The following SUN1 variants were observed in gnomAD, a reference collection of about 807,000 sequenced individuals.
SUN1 encodes Sad1 and UNC84 domain containing 1.
Under a neutral mutation model 103.2 loss-of-function variants are expected in SUN1, and 61 were observed. The observed-to-expected ratio is 0.59, with a 90% CI of 0.48 to 0.73. The LOEUF is 0.73. SUN1 is among the 30% of genes least tolerant of loss of function. SUN1 has a pLI of 0.00. For missense variants in SUN1, 1,052 were observed against 1,034.6 expected, an observed-to-expected ratio of 1.02 and a Z score of -0.23; for synonymous variants, 490 against 425.7, an observed-to-expected ratio of 1.15 and a Z score of -1.86.
At position 836,436 on chromosome 7, in the gene SUN1, A is replaced by G. The variant is rs567509778; in HGVS notation, c.78-2362A>G. On this transcript the variant is annotated intron_variant, in intron 1 of 18. Coordinates refer to ENST00000401592, the MANE Select transcript of SUN1 (RefSeq NM_001130965.3). ...CCCAAGATCTTCAGGTTGAGTTGGC[A>G]AGGGGAGACTCAGGGCAGCCGATGG... Among the ~76,000 whole-genome samples the G allele has an allele frequency of 2.0e-5, 3 of 152,322 alleles. No individual in the cohort carries two copies. In the South Asian group the frequency reaches 6.2e-4, roughly 32 times the overall value.
chr7:832,212 G>A (rs1444180799), upstream of SUN1: 17 of 729,394 alleles, frequency 2.3e-5, no homozygotes, highest in Admixed American at 4.2e-5. Context: ...GTTTCTCTCC[G>A]TGTTTCTTGG....
chr7:824,899 C>G (rs1203613662), intron 1 of SUN1, among the ~76,000 whole-genome samples: 1 of 152,102 alleles, frequency 6.6e-6, no homozygotes, highest in African/African-American at 2.4e-5. Context: ...TCCAGGGGTG[C>G]TCGGAGGAGC....
chr7:865,896 A>G (rs960198831), intron 15 of SUN1, 56 bp from the exon 16 acceptor site: 54 of 1,436,882 alleles, frequency 3.8e-5, no homozygotes, highest in African/African-American at 2.8e-4. Flanking sequence ...GTGCAGTACT[A>G]TTGCTTCCAA....
intron 16 of SUN1, 62 bp from the exon 17 acceptor site, chr7:869,287 C>G (rs1445648488): frequency 1.3e-6 from 2 of 1,547,934 alleles, no homozygotes; most frequent in South Asian, 2.4e-5. Context: ...TTTCCTCTTC[C>G]TGCTGCTAAG....
intron 16 of SUN1, among the ~76,000 whole-genome samples, chr7:866,300 C>T (rs555796989): frequency 6.6e-6 from 1 of 152,296 alleles, no homozygotes; most frequent in South Asian, 2.1e-4. Flanking sequence ...GACCGTGTGG[C>T]ACATGCTGGT....
At position 866,066 on chromosome 7, in the gene SUN1, A is replaced by G. The variant is rs1836238613; in HGVS notation, c.1979A>G (p.Gln660Arg). ...YFSQSPRVVIQPDIYPGNCWA... is the reference protein window; with the variant it reads ...YFSQSPRVVIRPDIYPGNCWA... ...TCGCAGTCCCCGCGCGTGGTCATCC[A>G]GGTGAGTGGCCGCCGGTGGCCGGAG... Residue 660 changes from glutamine (Q) to arginine (R), a missense_variant and splice_region_variant, in exon 16 of 19, where the codon CAG (glutamine) becomes CGG (arginine). Gln to Arg is a conservative substitution (Grantham distance 43, BLOSUM62 1). Transcript: ENST00000401592. 1 of 1,613,846 alleles carries G rather than the reference A, an allele frequency of 6.2e-7. No homozygotes were observed. The highest frequency in any genetic ancestry group is 1.7e-5 in the Admixed American group (1 of 60,000).
At chr7:823,784 CG>C (rs1276343695) in intron 1 of SUN1, among the ~76,000 whole-genome samples, 2 of 151,686 alleles carry the variant, frequency 1.3e-5, no homozygotes, top group African/African-American at 4.8e-5. Context: ...CATGTCAGGG[CG>C]GGAATGGAGA....
chr7:852,920 C>T lies in SUN1; in HGVS notation c.1021C>T (p.Pro341Ser), dbSNP rs1289694372. The T allele has an allele frequency of 6.2e-7, 1 of 1,613,852 alleles. No homozygotes were observed. Among genetic ancestry groups the T allele is most frequent in the African/African-American group, 1.3e-5 (1 of 74,996 alleles). Residue 341 changes from proline (P) to serine (S), a missense_variant, in exon 9 of 19, where the codon CCC (proline) becomes TCC (serine). Physicochemically the swap from Pro to Ser is moderately conservative, Grantham distance 74 (BLOSUM62 -1). Coordinates refer to ENST00000401592, the MANE Select transcript of SUN1 (RefSeq NM_001130965.3). The part of the protein sequence containing the change: ...RVDDPQDVFK[P>S]TTSRLKQPLQ... ...GGATGACCCCCAGGACGTGTTTAAA[C>T]CCACGACTTCTCGCCTGAAGCAGCC...
At chr7:859,647 G>A (rs774867506) in intron 13 of SUN1, among the ~76,000 whole-genome samples, 1 of 152,262 alleles carries the variant, frequency 6.6e-6, no homozygotes, top group Non-Finnish European at 1.5e-5. Context: ...CTGTTGTTAC[G>A]AAGCAAGAAG....
upstream of SUN1, among the ~76,000 whole-genome samples, chr7:827,521 G>T (rs1472924470): frequency 6.6e-6 from 1 of 150,918 alleles, no homozygotes; most frequent in Non-Finnish European, 1.5e-5. Context: ...CCAGGCTGGG[G>T]TGCAGTGGCG....
At position 872,642 on chromosome 7, in the gene SUN1, A is replaced by T. The variant is rs1842523946; in HGVS notation, c.2241+80A>T. ...ACAGCAGGGCCCAGCTGGCATCAAC[A>T]GACTGGAAAGCAGCGTGAGGACCAT... On this transcript the variant is annotated intron_variant, in intron 18 of 18. Transcript: ENST00000401592. 3.5e-6 allele frequency: 4 copies of T among 1,148,742 alleles called. No individual in the cohort carries two copies. The East Asian group carries it at 1.0e-4, about 29-fold the overall frequency. 71.2% of individuals were successfully genotyped at this position (1,148,742 alleles called of 1,614,324 possible). A position where few individuals can be genotyped will look rare whatever the true frequency, so the allele number is the denominator to read the frequency against.
chr7:860,323 A>G lies in SUN1; in HGVS notation c.1720A>G (p.Thr574Ala), dbSNP rs1412581570. The change falls in exon 14 of 19, where the codon ACC (threonine) becomes GCC (alanine). Residue 574 changes from threonine to alanine, a missense_variant. Around this residue, in one of 2 missense-constraint regions of SUN1, gnomAD observed 846 missense variants for 774.5 expected, o/e 1.09. Transcript: ENST00000401592. Reference sequence around the variant, plus strand: ...CGTTTCCGTGACCAAGCAGCTCCCAACCTCAGAAGCCGTGGTGTCTGCTGT... The same window carrying G: ...CGTTTCCGTGACCAAGCAGCTCCCAGCCTCAGAAGCCGTGGTGTCTGCTGT... ...HHVSVTKQLP[T>A]SEAVVSAVSE... 3 of 1,614,202 alleles carry G rather than the reference A, an allele frequency of 1.9e-6. No individual in the cohort carries two copies. The highest frequency in any genetic ancestry group is 2.5e-6 in the Non-Finnish European group (3 of 1,180,048).
chr7:832,193 G>C, upstream of SUN1: 1 of 789,506 alleles, frequency 1.3e-6, no homozygotes, highest in African/African-American at 1.8e-5. Context: ...ATCTTGAAGA[G>C]AGCTCTGAGT....
intron 5 of SUN1, among the ~76,000 whole-genome samples, chr7:846,824 G>C (rs2128328861): frequency 6.6e-6 from 1 of 152,084 alleles, no homozygotes; most frequent in South Asian, 2.1e-4. Flanking sequence ...ACCAGCCTGG[G>C]CAACACAGTG....
upstream of SUN1, chr7:832,427 C>G: frequency 8.0e-7 from 1 of 1,250,066 alleles, no homozygotes; most frequent in Non-Finnish European, 1.1e-6. Context: ...GTGTAGGCAG[C>G]TCAGGTTGAC....
Position 843,522 on chromosome 7 carries a change from T to C in SUN1, c.658+2T>C. ...ATTCTAGGGACAGGAATCAAAAATGTAAGTCTCAGTCCTTTAAAACTCAGA... is the reference window on the plus strand; with the variant it reads ...ATTCTAGGGACAGGAATCAAAAATGCAAGTCTCAGTCCTTTAAAACTCAGA... On this transcript the variant is annotated splice_donor_variant, in intron 5 of 18. Transcript: ENST00000401592. LOFTEE classifies it high-confidence loss of function. The C allele has an allele frequency of 6.2e-7, 1 of 1,613,998 alleles. No homozygotes were observed. Among genetic ancestry groups the C allele is most frequent in the Non-Finnish European group, 8.5e-7 (1 of 1,179,928 alleles).
Position 832,516 on chromosome 7 carries a change from G to GTGGTGAACA in SUN1, c.-5_4dup. 6.2e-7 allele frequency: 1 copy of GTGGTGAACA among 1,612,668 alleles called. No homozygotes were observed. Among genetic ancestry groups the GTGGTGAACA allele is most frequent in the South Asian group, 1.1e-5 (1 of 90,724 alleles). ...CCCGCCCTCTGCAGTATGGTTTGAA[G>GTGGTGAACA]TGGTGAACATGGATTTTTCTCGGCT... is the stretch of plus-strand genomic sequence containing the variant. On this transcript the variant is annotated 5_prime_UTR_variant, in exon 1 of 19. In the 5' UTR this introduces an upstream ATG that the reference lacks. Coordinates refer to ENST00000401592, the MANE Select transcript of SUN1 (RefSeq NM_001130965.3).
At chr7:843,255 C>A in intron 4 of SUN1, 23 bp downstream of exon 4, 1 of 1,607,092 alleles carries the variant, frequency 6.2e-7, no homozygotes, top group South Asian at 1.1e-5. Context: ...GTCCTTTTAT[C>A]TTCATATACT....
chr7:853,727 A>T lies in SUN1; in HGVS notation c.1263+109A>T, dbSNP rs546567213. ...GGACAGGAGAGGTGCCGTTGTGAAA[A>T]GGGGTTGCCCTTTCTGTTCTTAGTT... is the stretch of plus-strand genomic sequence containing the variant. On this transcript the variant is annotated intron_variant, in intron 10 of 18. Coordinates refer to ENST00000401592, the MANE Select transcript of SUN1 (RefSeq NM_001130965.3). 12 of 1,254,180 alleles carry T rather than the reference A, an allele frequency of 9.6e-6. No individual in the cohort carries two copies. In the Admixed American group the frequency reaches 1.1e-4, roughly 11 times the overall value. 77.7% of individuals were successfully genotyped at this position (1,254,180 alleles called of 1,614,324 possible).
Sources: allele counts gnomAD v4.1 joint callset (sites outside exome capture counted in the v4.1 genomes callset), GRCh38; gene constraint gnomAD v4.1.1; regional missense constraint gnomAD v4.1.1; transcripts MANE v1.5; gene names NCBI Gene and HGNC (gene_info 2026-07-23, HGNC 2026-07-21).